The following ATP2B2 variants were observed in gnomAD, a reference collection of about 807,000 sequenced individuals.
ATP2B2 encodes the protein plasma membrane calcium-transporting ATPase 2.
Under a neutral mutation model 120.0 loss-of-function variants are expected in ATP2B2, and 15 were observed. The ratio of observed to expected loss-of-function variants is 0.12; its 90% confidence interval spans 0.08 to 0.19. The LOEUF (loss-of-function observed/expected upper bound fraction) is 0.19. ATP2B2 is among the 10% of genes least tolerant of loss of function. ATP2B2 has a pLI of 1.00. For synonymous variants in ATP2B2, 694 were observed against 700.3 expected, an observed-to-expected ratio of 0.99 and a Z score of 0.14; for missense variants, 1,045 against 1,719.8, an observed-to-expected ratio of 0.61 and a Z score of 6.94.
At chr3:10,567,540 T>A (rs561311062) in intron 2 of ATP2B2, among the ~76,000 whole-genome samples, 2 of 152,348 alleles carry the variant, frequency 1.3e-5, no homozygotes, top group East Asian at 3.9e-4. Context: ...GCATGACTTC[T>A]GTGAGTCTCA....
Position 10,449,789 on chromosome 3 carries a change from C to T in ATP2B2, c.-246G>A, listed in dbSNP as rs2063969631. ...GGCCGGAGGGGCTCAGGGCTGTAGA[C>T]CCAGGAGTCTCCATTCAGTGGGGCC... On this transcript the variant is annotated 5_prime_UTR_variant, in exon 2 of 23. Transcript: ENST00000360273. The T allele has an allele frequency of 8.8e-6, 5 of 567,104 alleles. No homozygotes were observed. Among genetic ancestry groups the T allele is most frequent in the African/African-American group, 1.9e-5 (1 of 53,166 alleles). The allele number at this position is 567,104 out of a possible 1,614,324, so 35.1% of individuals were successfully genotyped here.
intron 1 of ATP2B2, among the ~76,000 whole-genome samples, chr3:10,657,587 C>T (rs182208558): frequency 1.7e-3 from 257 of 152,344 alleles, no homozygotes; most frequent in Middle Eastern, 6.8e-3. Context: ...AGTAGGTAAA[C>T]AAAGCGGCCT....
At chr3:10,534,429 C>T (rs1328129116) in intron 2 of ATP2B2, among the ~76,000 whole-genome samples, 2 of 152,222 alleles carry the variant, frequency 1.3e-5, no homozygotes, top group African/African-American at 4.8e-5. Context: ...AGGGCTGCCC[C>T]TTTCACTAAC....
chr3:10,388,746 G>C (rs535192768), intron 5 of ATP2B2, among the ~76,000 whole-genome samples: 1 of 152,184 alleles, frequency 6.6e-6, no homozygotes, highest in Non-Finnish European at 1.5e-5. Context: ...AACTCCAGGA[G>C]TGTTATCAGT....
Position 10,359,949 on chromosome 3 carries a change from C to T in ATP2B2, c.1834G>A (p.Val612Ile). The part of the protein sequence containing the change: ...FNSVRKSMST[V>I]IKLPDESFRM... ...AAGCTCTCGTCGGGCAGCTTGATGA[C>T]AGTGCTCATGGACTTGCGCACGGAG... is the stretch of plus-strand genomic sequence containing the variant. The change falls in exon 13 of 23, where the codon GTC becomes ATC. Residue 612 changes from valine (V) to isoleucine (I), a missense_variant. Val to Ile is a conservative substitution (Grantham distance 29, BLOSUM62 3). This residue lies in a region of ATP2B2 where 343 missense variants were observed against 536.8 expected (regional missense o/e 0.64). Coordinates refer to ENST00000360273, the MANE Select transcript of ATP2B2 (RefSeq NM_001001331.4). 1 of 1,614,266 alleles carries T rather than the reference C, an allele frequency of 6.2e-7. No homozygotes were observed. The highest frequency in any genetic ancestry group is 2.2e-5 in the East Asian group (1 of 44,890).
intron 1 of ATP2B2, among the ~76,000 whole-genome samples, chr3:10,657,020 A>AT (rs2070649520): frequency 6.6e-6 from 1 of 152,168 alleles, no homozygotes; most frequent in Admixed American, 6.5e-5. Context: ...TTTTTTTTCC[A>AT]AATGGGAGAG....
intron 2 of ATP2B2, among the ~76,000 whole-genome samples, chr3:10,606,270 C>T (rs1239926421): frequency 2.0e-5 from 3 of 152,084 alleles, no homozygotes; most frequent in African/African-American, 4.8e-5. Flanking sequence ...GTTTTCTCAT[C>T]TATAAAATGA....
chr3:10,703,032 C>A (rs545737473), intron 1 of ATP2B2, among the ~76,000 whole-genome samples: 2 of 152,262 alleles, frequency 1.3e-5, no homozygotes, highest in South Asian at 4.1e-4. Flanking sequence ...AAATGCCCAG[C>A]CTTACAGACG....
intron 10 of ATP2B2, 54 bp downstream of exon 10, chr3:10,378,198 T>C (rs1300038019): frequency 6.3e-7 from 1 of 1,585,120 alleles, no homozygotes; most frequent in Non-Finnish European, 8.5e-7. Context: ...GGCAGGGCTC[T>C]GCCTGGGGTC....
intron 2 of ATP2B2, among the ~76,000 whole-genome samples, chr3:10,567,754 A>G (rs190756832): frequency 6.6e-6 from 1 of 152,304 alleles, no homozygotes; most frequent in African/African-American, 2.4e-5. Flanking sequence ...CTTGAGGAAT[A>G]GGATGTGGTG....
chr3:10,411,231 G>C (rs980627664), intron 2 of ATP2B2, among the ~76,000 whole-genome samples: 4 of 152,322 alleles, frequency 2.6e-5, no homozygotes, highest in Non-Finnish European at 4.4e-5. Flanking sequence ...AGTTTGGAGT[G>C]ATGCAGCCAT....
chr3:10,377,985 C>T (rs966425107), intron 10 of ATP2B2, among the ~76,000 whole-genome samples: 5 of 152,270 alleles, frequency 3.3e-5, no homozygotes, highest in Non-Finnish European at 7.3e-5. Context: ...CAAGTTCTCA[C>T]AGCCATTGCC....
At chr3:10,399,534 T>C (rs2062151197) in intron 5 of ATP2B2, among the ~76,000 whole-genome samples, 1 of 152,240 alleles carries the variant, frequency 6.6e-6, no homozygotes, top group South Asian at 2.1e-4. Flanking sequence ...TTTGCTTGCT[T>C]ATTACTTTAT....
rs1225920905 is a variant in ATP2B2, at chr3:10,388,268, T to C, written c.907+9A>G. ...CTCCTCTCCTGGTCTGCAAGGGGAT[T>C]AGGCTTACCTTTTTTGTCTTTCTTC... On this transcript the variant is annotated intron_variant, in intron 6 of 22. Transcript: ENST00000360273. 5.0e-6 allele frequency: 8 copies of C among 1,614,024 alleles called. No homozygotes were observed. In the South Asian group the frequency reaches 7.7e-5, roughly 16 times the overall value.
intron 1 of ATP2B2, among the ~76,000 whole-genome samples, chr3:10,697,795 T>C (rs1396136848): frequency 6.6e-6 from 1 of 152,238 alleles, no homozygotes; most frequent in Non-Finnish European, 1.5e-5. Flanking sequence ...AAATCCTAAA[T>C]CTCAGGGTTT....
rs141005645 is a variant in ATP2B2, at chr3:10,670,398, G to C, written c.-460+37517C>G. Among the ~76,000 whole-genome samples, 1,001 of 152,222 alleles carry C rather than the reference G, an allele frequency of 6.6e-3. 6 individuals are homozygous for C. Among genetic ancestry groups the C allele is most frequent in the Non-Finnish European group, 0.011 (752 of 68,010 alleles). On this transcript the variant is annotated intron_variant, in intron 1 of 21. Transcript: ENST00000646379. ...GATTGGCTTAGAGAAGGTAAGTCTTGGTCCTGATATTGGGTTTTTTGTTGT... is the reference window on the plus strand; with the variant it reads ...GATTGGCTTAGAGAAGGTAAGTCTTCGTCCTGATATTGGGTTTTTTGTTGT...
At chr3:10,448,478 T>C (rs1404832336) in intron 2 of ATP2B2, among the ~76,000 whole-genome samples, 1 of 152,096 alleles carries the variant, frequency 6.6e-6, no homozygotes, top group Admixed American at 6.5e-5. Context: ...ACCCAAACCA[T>C]GAGGTCTGGT....
In ATP2B2 at chr3:10,400,658, G is replaced by A. The variant is rs531257642; in HGVS notation, c.781+295C>T. On this transcript the variant is annotated intron_variant, in intron 5 of 22. Transcript: ENST00000360273. ...CTCATCTCTGATGAGAGTGGGCTTC[G>A]GTGTTCAGCTTTTTAGTAAACCAAG... 6.6e-5 allele frequency among the ~76,000 whole-genome samples: 10 copies of A among 152,292 alleles called. No homozygotes were observed. The South Asian group carries it at 1.0e-3, about 16-fold the overall frequency.
intron 2 of ATP2B2, among the ~76,000 whole-genome samples, chr3:10,415,084 A>T (rs578002327): frequency 6.6e-6 from 1 of 152,252 alleles, no homozygotes; most frequent in East Asian, 1.9e-4. Flanking sequence ...AGCCCCAAGA[A>T]CACAGGTGGG....
Sources: allele counts gnomAD v4.1 joint callset (sites outside exome capture counted in the v4.1 genomes callset), GRCh38; gene constraint gnomAD v4.1.1; regional missense constraint gnomAD v4.1.1; transcripts MANE v1.5; gene names NCBI Gene and HGNC (gene_info 2026-07-23, HGNC 2026-07-21).